Variants in COL21A1 observed in about 807,000 individuals in gnomAD.
COL21A1 encodes the protein collagen type XXI alpha 1 chain.
A neutral mutation model predicts 137.9 loss-of-function variants in COL21A1; 149 were observed. That is an observed-to-expected ratio of 1.08 (90% CI 0.95 to 1.24). COL21A1 has a LOEUF of 1.24. Ranked by LOEUF, COL21A1 falls within the 50% of genes most tolerant of loss-of-function variation. COL21A1 has a pLI of 0.00. For missense variants in COL21A1, 1,167 were observed against 1,158.4 expected, an observed-to-expected ratio of 1.01 and a Z score of -0.11; for synonymous variants, 456 against 391.5, an observed-to-expected ratio of 1.16 and a Z score of -1.95.
At chr6:56,156,778 GC>G (rs1775775704) in intron 10 of COL21A1, 108 bp downstream of exon 10, 2 of 859,440 alleles carry the variant, frequency 2.3e-6, no homozygotes, top group East Asian at 5.3e-5. Flanking sequence ...TCCTATGGCA[GC>G]AGTCATGAAT....
chr6:56,189,050 C>A (rs984579769), intron 1 of COL21A1, among the ~76,000 whole-genome samples: 1 of 152,080 alleles, frequency 6.6e-6, no homozygotes, highest in Non-Finnish European at 1.5e-5. Context: ...AAAACCAGAA[C>A]ACCTCTTCTC....
intron 1 of COL21A1, among the ~76,000 whole-genome samples, chr6:56,246,513 T>C (rs999108521): frequency 3.9e-5 from 6 of 151,996 alleles, no homozygotes; most frequent in African/African-American, 1.4e-4. Context: ...AATAAATAAC[T>C]AAGGTTCTTC....
chr6:56,332,640 G>A (rs933011009), intron 1 of COL21A1, among the ~76,000 whole-genome samples: 4 of 150,218 alleles, frequency 2.7e-5, no homozygotes, highest in Admixed American at 6.6e-5. Flanking sequence ...GAGTAGGGTC[G>A]GAGACTGTTT....
At chr6:56,280,071 T>C (rs542877397) in intron 1 of COL21A1, among the ~76,000 whole-genome samples, 1 of 152,282 alleles carries the variant, frequency 6.6e-6, no homozygotes, top group African/African-American at 2.4e-5. Context: ...TTCCAAATAA[T>C]GTTTTACTTA....
At chr6:56,356,327 GT>G (rs1343884204) in intron 1 of COL21A1, among the ~76,000 whole-genome samples, 1 of 152,086 alleles carries the variant, frequency 6.6e-6, no homozygotes, top group Non-Finnish European at 1.5e-5. Context: ...ATCATTCCTG[GT>G]TGGGGGCGGG....
intron 16 of COL21A1, among the ~76,000 whole-genome samples, chr6:56,112,576 A>G (rs1771524498): frequency 6.6e-6 from 1 of 152,074 alleles, no homozygotes; most frequent in East Asian, 1.9e-4. Context: ...GGAGAACACA[A>G]CAATTGTGAA....
chr6:56,180,216 C>T lies in COL21A1; in HGVS notation c.89-87G>A, dbSNP rs1777794878. 4 of 940,522 alleles carry T rather than the reference C, an allele frequency of 4.3e-6. No homozygotes were observed. The African/African-American group carries it at 5.0e-5, about 12-fold the overall frequency. The allele number at this position is 940,522 out of a possible 1,614,324, so 58.3% of individuals were successfully genotyped here. A position where few individuals can be genotyped will look rare whatever the true frequency, so the allele number is the denominator to read the frequency against. ...TTTAAATATATGAGTTTCAGCTATA[C>T]ACTAATATCATTGCTTATTTTAAAT... On this transcript the variant is annotated intron_variant, in intron 2 of 29. Coordinates refer to ENST00000244728, the MANE Select transcript of COL21A1 (RefSeq NM_030820.4).
At chr6:56,305,541 G>A (rs1245717115) in intron 1 of COL21A1, among the ~76,000 whole-genome samples, 6 of 152,030 alleles carry the variant, frequency 3.9e-5, no homozygotes, top group African/African-American at 1.4e-4. Flanking sequence ...TTTTATCAGA[G>A]ACTAGGATTG....
intron 17 of COL21A1, among the ~76,000 whole-genome samples, chr6:56,084,059 C>T (rs1173890257): frequency 1.3e-5 from 2 of 151,782 alleles, no homozygotes; most frequent in Non-Finnish European, 2.9e-5. Flanking sequence ...AAACCAAAGT[C>T]TGAATCAATC....
intron 1 of COL21A1, among the ~76,000 whole-genome samples, chr6:56,206,689 AATAAATAAATATATATAT>A (rs1779798911): frequency 1.4e-4 from 3 of 22,204 alleles, no homozygotes; most frequent in African/African-American, 5.4e-4. Flanking sequence ...AAAATAAATA[AATAAATAAATATATATAT>A]ATATATATAT....
In COL21A1 at chr6:56,361,651, G is replaced by T. The variant is rs539232611; in HGVS notation, c.-39+32320C>A. On this transcript the variant is annotated intron_variant, in intron 1 of 28. Transcript: ENST00000370819. Reference sequence around the variant, plus strand: ...CAAAATGGTAATAATAGGAAACTCTGGTTGGCAGAATTATTTTAAATTAGG... The same window carrying T: ...CAAAATGGTAATAATAGGAAACTCTTGTTGGCAGAATTATTTTAAATTAGG... 7.9e-5 allele frequency among the ~76,000 whole-genome samples: 12 copies of T among 151,892 alleles called. No homozygotes were observed. In the South Asian group the frequency reaches 1.2e-3, roughly 16 times the overall value.
At chr6:56,168,915 T>C (rs1000101154) in intron 5 of COL21A1, among the ~76,000 whole-genome samples, 34 of 151,948 alleles carry the variant, frequency 2.2e-4, no homozygotes, top group Admixed American at 1.1e-3. Flanking sequence ...TATGTGTGGG[T>C]CCTATAATTC....
chr6:56,351,286 A>C (rs1013053732), intron 1 of COL21A1, among the ~76,000 whole-genome samples: 4 of 152,360 alleles, frequency 2.6e-5, no homozygotes, highest in South Asian at 4.1e-4. Context: ...AGTGCAATGA[A>C]CAATGCTGAG....
In COL21A1 at chr6:56,107,178, C is replaced by T. The variant is rs564965614; in HGVS notation, c.1759-5653G>A. ...TATTCAGGAATCAAAAAGACAAAAT[C>T]ATCTCAGATGAGAACGATGATTAAA... On this transcript the variant is annotated intron_variant, in intron 16 of 29. Transcript: ENST00000244728. Among the ~76,000 whole-genome samples the T allele has an allele frequency of 1.2e-4, 18 of 152,222 alleles. No individual in the cohort carries two copies. In the South Asian group the frequency reaches 2.9e-3, roughly 25 times the overall value.
At chr6:56,193,976 A>G (rs1175537325) in intron 1 of COL21A1, among the ~76,000 whole-genome samples, 3 of 152,084 alleles carry the variant, frequency 2.0e-5, no homozygotes, top group African/African-American at 7.2e-5. Flanking sequence ...GATGGTCTTG[A>G]TTTCTTGATC....
intron 1 of COL21A1, among the ~76,000 whole-genome samples, chr6:56,281,327 T>A (rs7753541): frequency 0.38 from 57,974 of 152,010 alleles, 12,624 homozygotes; most frequent in African/African-American, 0.58. Context: ...CAATGCCATT[T>A]CACATTTAAG....
intron 1 of COL21A1, among the ~76,000 whole-genome samples, chr6:56,213,811 C>T (rs1780328509): frequency 6.6e-6 from 1 of 151,956 alleles, no homozygotes; most frequent in Non-Finnish European, 1.5e-5. Context: ...TTGCGCCAGG[C>T]ATGGGAGAAA....
intron 1 of COL21A1, among the ~76,000 whole-genome samples, chr6:56,311,785 A>G (rs1207472529): frequency 6.6e-6 from 1 of 152,200 alleles, no homozygotes; most frequent in Non-Finnish European, 1.5e-5. Flanking sequence ...ATGACTGAGG[A>G]AGGCAGATAT....
chr6:56,146,441 G>C (rs1048833411), intron 10 of COL21A1, among the ~76,000 whole-genome samples: 23 of 152,046 alleles, frequency 1.5e-4, no homozygotes, highest in African/African-American at 5.6e-4. Context: ...AACTAATATA[G>C]AAACTAGTTT....
Sources: gnomAD v4.1 joint callset for allele counts (sites outside exome capture counted in the v4.1 genomes callset) on GRCh38, gnomAD v4.1.1 for gene constraint, MANE v1.5 for transcripts, NCBI Gene and HGNC (gene_info 2026-07-23, HGNC 2026-07-21) for gene names.